STIM1: variants seen among roughly 807,000 people sequenced by gnomAD.
The protein encoded by STIM1 is stromal interaction molecule 1.
In STIM1, 25 loss-of-function variants were observed where a neutral mutation model predicts 74.7. The observed-to-expected ratio is 0.33, with a 90% CI of 0.24 to 0.47. STIM1 has a LOEUF of 0.47. STIM1 is among the 20% of genes least tolerant of loss of function. The pLI is 1.00. For missense variants in STIM1, 728 were observed against 920.8 expected (o/e 0.79, Z 2.71); for synonymous variants, 328 against 348.8 (o/e 0.94, Z 0.66).
At chr11:4,001,609 C>T (rs996042406) in intron 2 of STIM1, among the ~76,000 whole-genome samples, 1 of 152,142 alleles carries the variant, frequency 6.6e-6, no homozygotes, top group Non-Finnish European at 1.5e-5. Context: ...AAAGGCACAA[C>T]CGGTACCAGC....
In STIM1 at chr11:3,970,526, C is replaced by T. The variant is rs191189142; in HGVS notation, c.270+2844C>T. Among the ~76,000 whole-genome samples the T allele has an allele frequency of 8.7e-5, 13 of 148,742 alleles. No individual in the cohort carries two copies. The East Asian group carries it at 2.4e-3, about 27-fold the overall frequency. Reference sequence around the variant, plus strand: ...TACCAGAAACCCTGGTTCTTTTGGCCATTGAGGACCTGAAGGGTTTTTTTT... The same window carrying T: ...TACCAGAAACCCTGGTTCTTTTGGCTATTGAGGACCTGAAGGGTTTTTTTT... On this transcript the variant is annotated intron_variant, in intron 2 of 12. Coordinates refer to ENST00000526596, the MANE Select transcript of STIM1 (RefSeq NM_001382567.1).
chr11:4,091,482 A>G lies in STIM1; in HGVS notation c.1835A>G (p.Lys612Arg). The change falls in exon 13 of 13, where the codon AAG becomes AGG. Residue 612 changes from lysine to arginine, a missense_variant. Transcript: ENST00000526596. ...CCTGACAGCCCTGCCCTGGCCAAGA[A>G]GGCATTACTGGCGCTGAACCATGGG... ...KLPDSPALAKKALLALNHGLD... is the reference protein window; with the variant it reads ...KLPDSPALAKRALLALNHGLD... The G allele has an allele frequency of 6.2e-7, 1 of 1,614,146 alleles. No homozygotes were observed. Among genetic ancestry groups the G allele is most frequent in the Non-Finnish European group, 8.5e-7 (1 of 1,180,030 alleles).
intron 1 of STIM1, among the ~76,000 whole-genome samples, chr11:3,883,810 GACTT>G (rs2091606991): frequency 6.6e-6 from 1 of 152,170 alleles, no homozygotes; most frequent in Non-Finnish European, 1.5e-5. Context: ...ATAGACTGAA[GACTT>G]ACTTGATAGT....
intron 1 of STIM1, among the ~76,000 whole-genome samples, chr11:3,911,045 G>T (rs927811320): frequency 6.6e-6 from 1 of 152,118 alleles, no homozygotes; most frequent in African/African-American, 2.4e-5. Flanking sequence ...CATCCTGCTG[G>T]AGTCTGTGGG....
intron 2 of STIM1, among the ~76,000 whole-genome samples, chr11:3,974,513 CAAAAAAAA>C (rs554777497): frequency 2.8e-5 from 2 of 70,258 alleles, no homozygotes; most frequent in African/African-American, 1.1e-4. Context: ...CTATCTCTAC[CAAAAAAAA>C]AAAAAAAAAG....
intron 2 of STIM1, among the ~76,000 whole-genome samples, chr11:3,992,141 A>G (rs574918251): frequency 1.1e-4 from 12 of 109,394 alleles, no homozygotes; most frequent in African/African-American, 4.3e-4. Flanking sequence ...GCGTCCTGGT[A>G]TGGTGGCTCA....
chr11:4,048,838 A>G (rs1313987231), intron 3 of STIM1, among the ~76,000 whole-genome samples: 2 of 152,020 alleles, frequency 1.3e-5, no homozygotes, highest in African/African-American at 4.8e-5. Context: ...AGTTCAAGCA[A>G]TTCTCCTACC....
intron 2 of STIM1, among the ~76,000 whole-genome samples, chr11:4,018,415 G>A (rs545807135): frequency 8.1e-6 from 1 of 123,470 alleles, no homozygotes; most frequent in Non-Finnish European, 1.6e-5. Context: ...TTGCGCCACT[G>A]CAGTCCGCAG....
chr11:4,059,337 G>C lies in STIM1; in HGVS notation c.554G>C (p.Ser185Thr). ...TGTVLKMTDR[S>T]HRQKLQLKAL... ...ACTGTGCTGAAGATGACAGACCGGA[G>C]TCATCGGCAGAAGCTGCAGCTGAAG... Residue 185 changes from serine (S) to threonine (T), a missense_variant, in exon 5 of 13, where the codon AGT becomes ACT. By Grantham distance (58) the Ser-to-Thr change is moderately conservative. This residue lies in a region of STIM1 where 132 missense variants were observed against 158.2 expected (regional missense o/e 0.83). Transcript: ENST00000526596. The C allele has an allele frequency of 6.2e-7, 1 of 1,614,112 alleles. No homozygotes were observed.
intron 3 of STIM1, among the ~76,000 whole-genome samples, chr11:4,045,762 CTT>C (rs35939527): frequency 1.9e-5 from 2 of 104,508 alleles, no homozygotes; most frequent in Non-Finnish European, 1.9e-5. Context: ...CTCAACACTT[CTT>C]TTTTTTTTTT....
intron 3 of STIM1, among the ~76,000 whole-genome samples, chr11:4,025,296 A>C (rs1295291783): frequency 6.6e-6 from 1 of 152,232 alleles, no homozygotes; most frequent in Non-Finnish European, 1.5e-5. Context: ...CTGGATTCTA[A>C]TCCTGATTAT....
chr11:3,895,758 TCC>T (rs2092125827), intron 1 of STIM1, among the ~76,000 whole-genome samples: 3 of 64,750 alleles, frequency 4.6e-5, no homozygotes, highest in Non-Finnish European at 8.1e-5. Context: ...CTTCCTTCCT[TCC>T]TTCCTTCCTT....
In STIM1 at chr11:3,955,575, G is replaced by T. The variant is rs552246347; in HGVS notation, c.140-11977G>T. On this transcript the variant is annotated intron_variant, in intron 1 of 12. Coordinates refer to ENST00000526596, the MANE Select transcript of STIM1 (RefSeq NM_001382567.1). ...TCAGTGGTAGTTACATGAACATATA[G>T]ATTACATAAAAATTGAATGTATATA... 3.3e-5 allele frequency among the ~76,000 whole-genome samples: 5 copies of T among 152,048 alleles called. No individual in the cohort carries two copies. In the East Asian group the frequency reaches 9.6e-4, roughly 29 times the overall value.
chr11:4,001,437 TTC>T (rs2135908697), intron 2 of STIM1, among the ~76,000 whole-genome samples: 1 of 152,292 alleles, frequency 6.6e-6, no homozygotes, highest in East Asian at 1.9e-4. Context: ...ATATTCAACA[TTC>T]TTAAAGAAAA....
At chr11:3,995,809 T>A (rs1401776935) in intron 2 of STIM1, among the ~76,000 whole-genome samples, 2 of 116,444 alleles carry the variant, frequency 1.7e-5, no homozygotes, top group Non-Finnish European at 3.9e-5. Flanking sequence ...TACACCTGGC[T>A]TCTTTTTTTT....
intron 1 of STIM1, among the ~76,000 whole-genome samples, chr11:3,923,168 T>C (rs1360806554): frequency 1.3e-5 from 2 of 151,908 alleles, no homozygotes; most frequent in South Asian, 4.1e-4. Flanking sequence ...TAATTTTTTT[T>C]ATCTAAAAGT....
At chr11:4,007,216 G>T (rs1464376117) in intron 2 of STIM1, among the ~76,000 whole-genome samples, 6 of 152,112 alleles carry the variant, frequency 3.9e-5, no homozygotes, top group African/African-American at 1.4e-4. Context: ...TCTAGCCAAT[G>T]TTGCATTCCC....
chr11:4,033,485 C>T (rs1284258733), intron 3 of STIM1, among the ~76,000 whole-genome samples: 1 of 152,076 alleles, frequency 6.6e-6, no homozygotes, highest in African/African-American at 2.4e-5. Flanking sequence ...AGTTTTACTT[C>T]ATTTCCAATC....
At chr11:4,071,352 A>T (rs192900971) in intron 6 of STIM1, among the ~76,000 whole-genome samples, 15 of 152,034 alleles carry the variant, frequency 9.9e-5, no homozygotes, top group African/African-American at 3.4e-4. Context: ...TCTATTTATT[A>T]TTATTATTAT....
Sources: gnomAD v4.1 joint callset for allele counts (sites outside exome capture counted in the v4.1 genomes callset) on GRCh38, gnomAD v4.1.1 for gene constraint, gnomAD v4.1.1 regional missense constraint, MANE v1.5 for transcripts, NCBI Gene and HGNC (gene_info 2026-07-23, HGNC 2026-07-21) for gene names.